MALRD1: variants seen among roughly 807,000 people sequenced by gnomAD.
MALRD1 encodes the protein MAM and LDL receptor class A domain containing 1, also known as MAM and LDL-receptor class A domain-containing protein 1.
A neutral mutation model predicts 242.1 loss-of-function variants in MALRD1; 247 were observed. That is an observed-to-expected ratio of 1.02 (90% CI 0.92 to 1.13). The LOEUF (loss-of-function observed/expected upper bound fraction) is 1.13. Ranked by LOEUF, MALRD1 falls within the 50% of genes most tolerant of loss-of-function variation. MALRD1 has a pLI of 0.00. For missense variants in MALRD1, 2,989 were observed against 2,533.1 expected (o/e 1.18, Z -3.86); for synonymous variants, 995 against 866.6 (o/e 1.15, Z -2.60).
chr10:19,491,697 C>T, intron 30 of MALRD1, 52 bp downstream of exon 30: 3 of 1,523,122 alleles, frequency 2.0e-6, no homozygotes, highest in Non-Finnish European at 2.7e-6. Flanking sequence ...TATTTTCCTT[C>T]ATAAGTAGAG....
intron 36 of MALRD1, among the ~76,000 whole-genome samples, chr10:19,625,632 G>A (rs1021274096): frequency 3.9e-5 from 6 of 152,128 alleles, no homozygotes; most frequent in Admixed American, 2.6e-4. Context: ...CTCTAAGGCC[G>A]AAGATGAAAA....
At position 19,446,066 on chromosome 10, in the gene MALRD1, G is replaced by T. The variant is rs139260765; in HGVS notation, c.4846-4241G>T. Among the ~76,000 whole-genome samples, 1,248 of 152,286 alleles carry T rather than the reference G, an allele frequency of 8.2e-3. 11 individuals carry two copies. Among genetic ancestry groups the T allele is most frequent in the African/African-American group, 0.029 (1,199 of 41,568 alleles). ...GTGCTAGCCATGAGTGAGGCTCTGT[G>T]GGCGTGGGACCCTCCGAGCCAGGCG... On this transcript the variant is annotated intron_variant, in intron 28 of 39. Transcript: ENST00000454679.
At chr10:19,534,778 A>G (rs1377759698) in intron 32 of MALRD1, among the ~76,000 whole-genome samples, 2 of 152,100 alleles carry the variant, frequency 1.3e-5, no homozygotes, top group Admixed American at 6.6e-5. Flanking sequence ...AAAATTTATA[A>G]TTTTTATATT....
At chr10:19,682,321 A>G (rs1345198745) in intron 36 of MALRD1, among the ~76,000 whole-genome samples, 1 of 152,182 alleles carries the variant, frequency 6.6e-6, no homozygotes, top group Non-Finnish European at 1.5e-5. Context: ...TGAGTAATGA[A>G]TGGGTGTTAC....
intron 21 of MALRD1, among the ~76,000 whole-genome samples, chr10:19,321,800 C>T (rs1363922378): frequency 7.9e-5 from 12 of 152,106 alleles, no homozygotes; most frequent in African/African-American, 2.2e-4. Context: ...TCCTGGTATC[C>T]TATGTCAATT....
intron 38 of MALRD1, among the ~76,000 whole-genome samples, chr10:19,721,102 A>G (rs1157621538): frequency 1.3e-5 from 2 of 152,192 alleles, no homozygotes; most frequent in Non-Finnish European, 2.9e-5. Flanking sequence ...TACACTGGTT[A>G]AGAAACAAAC....
chr10:19,271,838 T>C (rs978295466), intron 19 of MALRD1, among the ~76,000 whole-genome samples: 1 of 152,154 alleles, frequency 6.6e-6, no homozygotes, highest in Non-Finnish European at 1.5e-5. Context: ...ATATTTGGTG[T>C]ACTTGCAAAT....
rs961668190 is a variant in MALRD1 at position 19,175,233 on chromosome 10, C to T, written c.1856C>T (p.Ser619Leu). The change falls in exon 14 of 40, where the codon TCG (serine) becomes TTG (leucine). Residue 619 changes from serine (S) to leucine (L), a missense_variant. Coordinates refer to ENST00000454679, the MANE Select transcript of MALRD1 (RefSeq NM_001142308.3). Reference protein sequence around the residue: ...FQLILEATVLSSNATVALDDI... With the variant: ...FQLILEATVLLSNATVALDDI... ...TTAATTTTGGAAGCTACTGTTTTGT[C>T]GTCAAATGCTACCGTTGCTCTAGAT... 3.7e-5 allele frequency: 46 copies of T among 1,229,666 alleles called. No homozygotes were observed. The African/African-American group carries it at 5.3e-4, about 14-fold the overall frequency. 76.2% of individuals were successfully genotyped at this position (1,229,666 alleles called of 1,614,324 possible). A position where few individuals can be genotyped will look rare whatever the true frequency, so the allele number is the denominator to read the frequency against.
At chr10:19,051,659 T>C (rs995015808) in intron 1 of MALRD1, 27 of 152,878 alleles carry the variant, frequency 1.8e-4, no homozygotes, top group Middle Eastern at 3.3e-3. Flanking sequence ...GCGCGGTGGC[T>C]CACGCCTGTA....
At chr10:19,531,985 A>G (rs1834436788) in intron 32 of MALRD1, among the ~76,000 whole-genome samples, 1 of 152,154 alleles carries the variant, frequency 6.6e-6, no homozygotes, top group South Asian at 2.1e-4. Flanking sequence ...ACAATTATCC[A>G]ATCCTGTTTT....
chr10:19,421,178 C>T lies in MALRD1; in HGVS notation c.4846-29129C>T, dbSNP rs543346487. On this transcript the variant is annotated intron_variant, in intron 28 of 39. Transcript: ENST00000454679. ...AACAATACCTGATGTCTTTTCCTGT[C>T]TCTGAAGATGCTTTTGATGCATCTG... Among the ~76,000 whole-genome samples, 225 of 152,270 alleles carry T rather than the reference C, an allele frequency of 1.5e-3. 1 individual carries two copies. The highest frequency in any genetic ancestry group is 1.6e-3 in the Non-Finnish European group (109 of 68,026).
chr10:19,084,955 C>A (rs1248497316), intron 2 of MALRD1, among the ~76,000 whole-genome samples: 1 of 151,834 alleles, frequency 6.6e-6, no homozygotes. Context: ...TGAATGCAGG[C>A]ACAACGTGGG....
intron 32 of MALRD1, among the ~76,000 whole-genome samples, chr10:19,539,891 TGTGTGTGC>T (rs1163580014): frequency 4.1e-5 from 3 of 72,518 alleles, no homozygotes; most frequent in Non-Finnish European, 8.2e-5. Flanking sequence ...TGTGTGTGTG[TGTGTGTGC>T]GCGCGCGCGT....
At chr10:19,470,090 T>C (rs1247481872) in intron 29 of MALRD1, among the ~76,000 whole-genome samples, 1 of 152,038 alleles carries the variant, frequency 6.6e-6, no homozygotes. Context: ...TTGTACCCCT[T>C]AAACATTACC....
intron 35 of MALRD1, among the ~76,000 whole-genome samples, chr10:19,615,586 TAAAC>T (rs1839117194): frequency 1.4e-5 from 2 of 140,714 alleles, no homozygotes; most frequent in South Asian, 2.3e-4. Context: ...ATTAAAAAAT[TAAAC>T]AAGTAAATAA....
intron 21 of MALRD1, among the ~76,000 whole-genome samples, chr10:19,284,515 T>C (rs1841009419): frequency 6.7e-6 from 1 of 150,234 alleles, no homozygotes; most frequent in Non-Finnish European, 1.5e-5. Flanking sequence ...GGTTTTTTGT[T>C]CTTGCGATAG....
intron 21 of MALRD1, among the ~76,000 whole-genome samples, chr10:19,291,257 A>G (rs752072512): frequency 2.6e-5 from 4 of 152,202 alleles, no homozygotes; most frequent in Non-Finnish European, 4.4e-5. Context: ...ATTCTAGGTC[A>G]TTGGTTTCTA....
rs1032159835 is a variant in MALRD1 at position 19,095,168 on chromosome 10, C to T, written c.597+6983C>T. On this transcript the variant is annotated intron_variant, in intron 4 of 39. Transcript: ENST00000454679. ...ATTAAATTGGATTCAATTTTACGTT[C>T]GATTCTTTTGAGTGCCTAAGAGGAA... 5.9e-5 allele frequency among the ~76,000 whole-genome samples: 9 copies of T among 152,142 alleles called. No individual in the cohort carries two copies. The East Asian group carries it at 1.5e-3, about 26-fold the overall frequency.
intron 32 of MALRD1, among the ~76,000 whole-genome samples, chr10:19,533,732 A>G (rs1235233078): frequency 6.6e-6 from 1 of 152,142 alleles, no homozygotes; most frequent in Non-Finnish European, 1.5e-5. Flanking sequence ...TCCAGCCATG[A>G]CAGATCTGCC....
Sources: allele counts gnomAD v4.1 joint callset (sites outside exome capture counted in the v4.1 genomes callset), GRCh38; gene constraint gnomAD v4.1.1; transcripts MANE v1.5; gene names NCBI Gene and HGNC (gene_info 2026-07-23, HGNC 2026-07-21).